INTS14: variants seen among roughly 807,000 people sequenced by gnomAD.
INTS14 encodes UPF0464 protein C15orf44.
INTS14 carries 27 observed loss-of-function variants against 56.9 expected under a neutral mutation model. The observed-to-expected ratio is 0.47, with a 90% CI of 0.35 to 0.65. The LOEUF is 0.65. Among genes scored for constraint, INTS14 ranks in the 30% least tolerant of loss-of-function variants. The pLI is 0.00. For missense variants in INTS14, 517 were observed against 632.2 expected (o/e 0.82, Z 1.95); for synonymous variants, 207 against 236.2 (o/e 0.88, Z 1.13).
intron 5 of INTS14, 68 bp downstream of exon 5, chr15:65,598,804 T>C: frequency 8.1e-7 from 1 of 1,234,476 alleles, no homozygotes; most frequent in East Asian, 2.4e-5. Context: ...AAACAGATAG[T>C]CTTCCTGGAT....
Position 65,579,317 on chromosome 15 carries a change from G to A in INTS14, c.*91C>T. 6 of 1,520,166 alleles carry A rather than the reference G, an allele frequency of 3.9e-6. No homozygotes were observed. In the South Asian group the frequency reaches 6.5e-5, roughly 16 times the overall value. The allele number at this position is 1,520,166 out of a possible 1,614,324, so 94.2% of individuals were successfully genotyped here. A position where few individuals can be genotyped will look rare whatever the true frequency, so the allele number is the denominator to read the frequency against. On this transcript the variant is annotated 3_prime_UTR_variant, in exon 12 of 12. Transcript: ENST00000313182. ...GGCAGCCTCAGGAAGGTCTTTGGGT[G>A]GCTATTCTAGAGGTGAACATACTGG...
chr15:65,589,421 G>A (rs2072943975), intron 9 of INTS14, among the ~76,000 whole-genome samples: 4 of 152,182 alleles, frequency 2.6e-5, no homozygotes, highest in African/African-American at 7.2e-5. Context: ...GCCTCCCAAA[G>A]TACTGGGATT....
chr15:65,595,181 T>TA (rs1241613512), intron 7 of INTS14, among the ~76,000 whole-genome samples: 1 of 152,188 alleles, frequency 6.6e-6, no homozygotes, highest in African/African-American at 2.4e-5. Flanking sequence ...TTTAAAGAGT[T>TA]AGAGTCTAGC....
At chr15:65,601,630 C>T (rs1323911906) in intron 3 of INTS14, among the ~76,000 whole-genome samples, 1 of 152,080 alleles carries the variant, frequency 6.6e-6, no homozygotes, top group Non-Finnish European at 1.5e-5. Context: ...CGTGAGCCAC[C>T]GCGCCCGGCC....
chr15:65,610,921 G>T, intron 1 of INTS14, 177 bp downstream of exon 1: 5 of 1,465,434 alleles, frequency 3.4e-6, no homozygotes, highest in Non-Finnish European at 3.6e-6. Context: ...GCCTCAGAGC[G>T]AGGGGAGGCC....
chr15:65,600,202 T>C (rs1159580183), intron 3 of INTS14, among the ~76,000 whole-genome samples: 2 of 152,042 alleles, frequency 1.3e-5, no homozygotes, highest in Admixed American at 6.5e-5. Flanking sequence ...TCCCAGCACG[T>C]TGGGAGGCTG....
intron 7 of INTS14, among the ~76,000 whole-genome samples, chr15:65,593,901 AT>A (rs1250312274): frequency 6.6e-6 from 1 of 152,186 alleles, no homozygotes; most frequent in African/African-American, 2.4e-5. Flanking sequence ...TTTTGGGGTT[AT>A]AAAAAAGTTC....
chr15:65,606,294 A>G (rs1259682973), intron 2 of INTS14, among the ~76,000 whole-genome samples: 1 of 151,846 alleles, frequency 6.6e-6, no homozygotes, highest in Middle Eastern at 3.2e-3. Flanking sequence ...AAAAGGAATT[A>G]TTTAACAAAA....
rs1566914212 is a variant in INTS14 at position 65,579,831 on chromosome 15, G to A, written c.1306-172C>T. Among the ~76,000 whole-genome samples the A allele has an allele frequency of 2.0e-5, 3 of 152,180 alleles. No homozygotes were observed. The East Asian group carries it at 5.8e-4, about 29-fold the overall frequency. ...AACAAGAATGTGATGGTTTTACTGG[G>A]AAGTGGTTCCTCTGCAGGTGACCAG... is the stretch of plus-strand genomic sequence containing the variant. On this transcript the variant is annotated intron_variant, in intron 11 of 11. Transcript: ENST00000313182.
At chr15:65,604,112 C>CTCGCTCTG (rs1267510300) in intron 3 of INTS14, among the ~76,000 whole-genome samples, 7 of 152,298 alleles carry the variant, frequency 4.6e-5, no homozygotes, top group African/African-American at 1.7e-4. Flanking sequence ...GCCACACAGT[C>CTCGCTCTG]TCGCTCTGTC....
chr15:65,589,994 T>C (rs1266943661), intron 9 of INTS14, among the ~76,000 whole-genome samples: 3 of 152,168 alleles, frequency 2.0e-5, no homozygotes, highest in African/African-American at 7.2e-5. Flanking sequence ...CTCTGTATTA[T>C]CTATTTCAAC....
In INTS14 at chr15:65,588,380, T is replaced by TA. The variant is rs1430701601; in HGVS notation, c.1120+3217dup. Among the ~76,000 whole-genome samples the TA allele has an allele frequency of 2.0e-5, 3 of 149,556 alleles. No individual in the cohort carries two copies. The South Asian group carries it at 6.3e-4, about 32-fold the overall frequency. The stretch of plus-strand genomic sequence containing the variant: ...TACCTATATTATTTAGAAATGTAAA[T>TA]AAGGCTGGGCAGAGTGGCTCACGCC... On this transcript the variant is annotated intron_variant, in intron 9 of 11. Coordinates refer to ENST00000313182, the MANE Select transcript of INTS14 (RefSeq NM_001394796.1).
At chr15:65,585,459 T>C (rs2072784145) in intron 9 of INTS14, among the ~76,000 whole-genome samples, 1 of 152,144 alleles carries the variant, frequency 6.6e-6, no homozygotes, top group Admixed American at 6.5e-5. Flanking sequence ...AGGAAAACTA[T>C]ATATATAGCC....
chr15:65,580,163 A>G lies in INTS14; in HGVS notation c.1306-504T>C, dbSNP rs146000559. On this transcript the variant is annotated intron_variant, in intron 11 of 11. Coordinates refer to ENST00000313182, the MANE Select transcript of INTS14 (RefSeq NM_001394796.1). ...AAAGGCTGGTTACTGATAGAAGCAGAGAAATATGAAGTGCCCCAACAACCC... is the reference window on the plus strand; with the variant it reads ...AAAGGCTGGTTACTGATAGAAGCAGGGAAATATGAAGTGCCCCAACAACCC... Among the ~76,000 whole-genome samples the G allele has an allele frequency of 4.1e-3, 628 of 152,280 alleles. 3 individuals are homozygous for G. The highest frequency in any genetic ancestry group is 0.014 in the African/African-American group (597 of 41,552).
chr15:65,589,922 C>T (rs1178969753), intron 9 of INTS14, among the ~76,000 whole-genome samples: 1 of 152,160 alleles, frequency 6.6e-6, no homozygotes, highest in Non-Finnish European at 1.5e-5. Context: ...GTACCTCCAC[C>T]TGTATCTCAC....
chr15:65,597,111 T>A (rs1194908893), intron 6 of INTS14, among the ~76,000 whole-genome samples: 1 of 152,212 alleles, frequency 6.6e-6, no homozygotes, highest in Non-Finnish European at 1.5e-5. Context: ...CTAACTGTTA[T>A]GAAGGCAACA....
At chr15:65,584,655 T>A (rs1596235176) in intron 10 of INTS14, 115 bp downstream of exon 10, 1 of 837,400 alleles carries the variant, frequency 1.2e-6, no homozygotes, top group East Asian at 2.6e-5. Context: ...ATGACAAACA[T>A]TAGAAGTAAA....
At chr15:65,610,666 C>A in intron 1 of INTS14, 1 of 1,535,374 alleles carries the variant, frequency 6.5e-7, no homozygotes, top group East Asian at 2.4e-5. Flanking sequence ...AGGATTCTAC[C>A]TGAATTTCTA....
At chr15:65,597,403 C>T (rs2073252319) in intron 6 of INTS14, among the ~76,000 whole-genome samples, 1 of 152,150 alleles carries the variant, frequency 6.6e-6, no homozygotes, top group African/African-American at 2.4e-5. Context: ...AATATCCAGC[C>T]CTAAAAGATT....
Sources: gnomAD v4.1 joint callset for allele counts (sites outside exome capture counted in the v4.1 genomes callset) on GRCh38, gnomAD v4.1.1 for gene constraint, MANE v1.5 for transcripts, NCBI Gene and HGNC (gene_info 2026-07-23, HGNC 2026-07-21) for gene names.